Variants in COL28A1 observed in about 807,000 individuals in gnomAD.
COL28A1 encodes the protein collagen alpha-1(XXVIII) chain.
COL28A1 carries 161 observed loss-of-function variants against 150.2 expected under a neutral mutation model. The observed-to-expected ratio is 1.07, with a 90% CI of 0.94 to 1.22. COL28A1 has a LOEUF of 1.22. COL28A1 is among the 50% of genes most tolerant of loss of function. COL28A1 has a pLI of 0.00. For synonymous variants in COL28A1, 552 were observed against 469.7 expected, an observed-to-expected ratio of 1.18 and a Z score of -2.26; for missense variants, 1,617 against 1,388.3, an observed-to-expected ratio of 1.16 and a Z score of -2.62.
At chr7:7,389,119 T>G (rs1018984525) in intron 27 of COL28A1, among the ~76,000 whole-genome samples, 5 of 152,140 alleles carry the variant, frequency 3.3e-5, no homozygotes, top group African/African-American at 4.8e-5. Context: ...TAGGGTTTTT[T>G]TTTAAGGTTT....
chr7:7,344,838 C>T, the COL28A1 span, among the ~76,000 whole-genome samples: 10 of 152,200 alleles, frequency 6.6e-5, no homozygotes, highest in South Asian at 6.2e-4. Flanking sequence ...GAAGGCTGAA[C>T]GCTTTTTTCT....
chr7:7,365,934 T>C (rs1780912095), intron 33 of COL28A1, among the ~76,000 whole-genome samples: 1 of 152,186 alleles, frequency 6.6e-6, no homozygotes, highest in African/African-American at 2.4e-5. Flanking sequence ...TTATTTGCAT[T>C]TTAAAGTTAC....
At chr7:7,419,806 CTTA>C in intron 26 of COL28A1, 76 bp downstream of exon 26, 1 of 879,382 alleles carries the variant, frequency 1.1e-6, no homozygotes, top group Admixed American at 3.2e-5. Flanking sequence ...AAGACGAACA[CTTA>C]TTATGAAGTT....
In COL28A1 at chr7:7,417,872, G is replaced by C; in HGVS notation, c.2123C>G (p.Ser708Ter). 3 of 1,613,232 alleles carry C rather than the reference G, an allele frequency of 1.9e-6. No individual in the cohort carries two copies. The highest frequency in any genetic ancestry group is 2.5e-6 in the Non-Finnish European group (3 of 1,179,532). Reference sequence around the variant, plus strand: ...CTATTCACTTACTTTAATTCCCTGTGATCCATAGCCAGGGGGGCCAGGAGG... The same window carrying C: ...CTATTCACTTACTTTAATTCCCTGTCATCCATAGCCAGGGGGGCCAGGAGG... ...PGPPGPPGYG[S>*]QGIKGEQGPQ... is the part of the protein sequence containing the mutation. The change falls in exon 27 of 35, where the codon TCA becomes TGA. Residue 708 changes from serine to a stop codon, truncating the protein, a stop_gained. Coordinates refer to ENST00000399429, the MANE Select transcript of COL28A1 (RefSeq NM_001037763.3). LOFTEE classifies it high-confidence loss of function.
intron 11 of COL28A1, among the ~76,000 whole-genome samples, chr7:7,493,318 C>T (rs1780029411): frequency 6.6e-6 from 1 of 151,982 alleles, no homozygotes; most frequent in Non-Finnish European, 1.5e-5. Context: ...TGATCAGAAA[C>T]AAACCAAGAG....
chr7:7,367,507 C>T (rs2128281418), intron 33 of COL28A1, among the ~76,000 whole-genome samples: 1 of 152,260 alleles, frequency 6.6e-6, no homozygotes, highest in South Asian at 2.1e-4. Flanking sequence ...TGCAAGGTCC[C>T]ACTATCTGGG....
intron 11 of COL28A1, among the ~76,000 whole-genome samples, chr7:7,504,891 T>G (rs577747072): frequency 1.3e-5 from 2 of 152,314 alleles, no homozygotes; most frequent in African/African-American, 4.8e-5. Flanking sequence ...CTAAAAATTG[T>G]GTGGTCTGTC....
chr7:7,493,213 T>A (rs1460841287), intron 11 of COL28A1, among the ~76,000 whole-genome samples: 1 of 152,074 alleles, frequency 6.6e-6, no homozygotes, highest in African/African-American at 2.4e-5. Flanking sequence ...GGTTCTGTAA[T>A]GGGTCAGAAG....
At chr7:7,388,490 T>C (rs747096928) in intron 27 of COL28A1, among the ~76,000 whole-genome samples, 43 of 152,088 alleles carry the variant, frequency 2.8e-4, no homozygotes, top group African/African-American at 3.9e-4. Context: ...TGTGTCTTTA[T>C]AGAATGATTT....
In COL28A1 at chr7:7,531,907, G is replaced by A. The variant is rs886940557; in HGVS notation, c.125-3C>T. On this transcript the variant is annotated splice_region_variant and splice_polypyrimidine_tract_variant and intron_variant, in intron 2 of 34. Transcript: ENST00000399429. ...AATATCTATGAAACAAATGGAGCCT[G>A]AAACAGAATAAACAGGTTAGGCAAA... 2.5e-6 allele frequency: 4 copies of A among 1,582,378 alleles called. No individual in the cohort carries two copies. The African/African-American group carries it at 5.4e-5, about 21-fold the overall frequency.
At chr7:7,386,019 A>T (rs1168724150) in intron 27 of COL28A1, among the ~76,000 whole-genome samples, 1 of 152,212 alleles carries the variant, frequency 6.6e-6, no homozygotes, top group Admixed American at 6.5e-5. Context: ...GTGGGTCAGA[A>T]ACAACTGCAG....
At chr7:7,378,781 T>C (rs1391295986) in intron 30 of COL28A1, among the ~76,000 whole-genome samples, 1 of 152,226 alleles carries the variant, frequency 6.6e-6, no homozygotes, top group African/African-American at 2.4e-5. Flanking sequence ...GTGGAGATAC[T>C]GTCTACCTCA....
intron 11 of COL28A1, among the ~76,000 whole-genome samples, chr7:7,504,203 C>T (rs958659062): frequency 2.6e-5 from 4 of 152,102 alleles, no homozygotes; most frequent in African/African-American, 7.2e-5. Flanking sequence ...CACTATTAGA[C>T]ATAAAGAGTT....
intron 25 of COL28A1, among the ~76,000 whole-genome samples, chr7:7,427,201 G>T (rs1394938513): frequency 1.3e-5 from 2 of 152,190 alleles, no homozygotes; most frequent in African/African-American, 4.8e-5. Flanking sequence ...GCATTGGGGA[G>T]TAACCTTGAA....
intron 14 of COL28A1, among the ~76,000 whole-genome samples, chr7:7,476,906 G>A (rs1035786489): frequency 1.3e-5 from 2 of 152,206 alleles, no homozygotes; most frequent in East Asian, 3.8e-4. Context: ...ACATGAAGTA[G>A]AAGTCTTTCA....
chr7:7,353,604 G>C (rs1173919024), downstream of COL28A1, among the ~76,000 whole-genome samples: 3 of 152,238 alleles, frequency 2.0e-5, no homozygotes, highest in Admixed American at 2.0e-4. Context: ...CCACTCAATT[G>C]GTAGAGATGA....
At chr7:7,351,134 T>G in the COL28A1 span, among the ~76,000 whole-genome samples, 1 of 152,092 alleles carries the variant, frequency 6.6e-6, no homozygotes, top group African/African-American at 2.4e-5. Context: ...AGTATAAGAA[T>G]TAGAAGAAGG....
At chr7:7,489,917 C>T (rs571188616) in intron 12 of COL28A1, among the ~76,000 whole-genome samples, 4 of 152,190 alleles carry the variant, frequency 2.6e-5, no homozygotes, top group Non-Finnish European at 4.4e-5. Flanking sequence ...GCATAAACTC[C>T]ACCTTTCCTG....
chr7:7,411,991 C>A (rs560761998), intron 27 of COL28A1, among the ~76,000 whole-genome samples: 1 of 152,254 alleles, frequency 6.6e-6, no homozygotes, highest in South Asian at 2.1e-4. Flanking sequence ...AAATTTCCAT[C>A]CTTCCTAGAA....
Sources: gnomAD v4.1 joint callset for allele counts (sites outside exome capture counted in the v4.1 genomes callset) on GRCh38, gnomAD v4.1.1 for gene constraint, MANE v1.5 for transcripts, NCBI Gene and HGNC (gene_info 2026-07-23, HGNC 2026-07-21) for gene names.